The following RBFOX1 variants were observed in gnomAD, a reference collection of about 807,000 sequenced individuals.
RBFOX1 encodes the protein RNA binding protein fox-1 homolog 1.
In RBFOX1, 8 loss-of-function variants were observed where a neutral mutation model predicts 57.7. The ratio of observed to expected loss-of-function variants is 0.14; its 90% confidence interval spans 0.08 to 0.25. The LOEUF is 0.25. Among genes scored for constraint, RBFOX1 ranks in the 10% least tolerant of loss-of-function variants. The pLI, the probability that RBFOX1 is intolerant of heterozygous loss-of-function variation, is 1.00. For synonymous variants in RBFOX1, 326 were observed against 222.4 expected (o/e 1.47, Z -4.15); for missense variants, 611 against 548.5 (o/e 1.11, Z -1.14).
chr16:7,287,385 G>A (rs552666239), intron 4 of RBFOX1, among the ~76,000 whole-genome samples: 24 of 152,270 alleles, frequency 1.6e-4, no homozygotes, highest in Middle Eastern at 3.4e-3. Context: ...GCAGTGTGCA[G>A]GAACTATGCC....
chr16:6,178,837 G>A (rs745547051), intron 1 of RBFOX1, among the ~76,000 whole-genome samples: 11 of 152,174 alleles, frequency 7.2e-5, no homozygotes, highest in Non-Finnish European at 1.5e-4. Flanking sequence ...ACTTGCAAAT[G>A]AAGGTGAAGT....
intron 3 of RBFOX1, among the ~76,000 whole-genome samples, chr16:6,814,895 G>T (rs1473826252): frequency 6.6e-6 from 1 of 152,120 alleles, no homozygotes; most frequent in Admixed American, 6.5e-5. Flanking sequence ...AGAATTTGGG[G>T]CGAGTCCATA....
chr16:6,752,547 C>A (rs554281754), intron 3 of RBFOX1, among the ~76,000 whole-genome samples: 1 of 152,192 alleles, frequency 6.6e-6, no homozygotes, highest in African/African-American at 2.4e-5. Flanking sequence ...CAAGTTAGCG[C>A]ATTCCTAAAG....
intron 2 of RBFOX1, among the ~76,000 whole-genome samples, chr16:6,536,575 A>T (rs138358655): frequency 0.013 from 1,950 of 151,602 alleles, 42 homozygotes; most frequent in African/African-American, 0.044. Flanking sequence ...TTTCTTTCTA[A>T]TTTTCCTTCT....
intron 2 of RBFOX1, among the ~76,000 whole-genome samples, chr16:6,634,392 G>C (rs948686617): frequency 6.6e-6 from 1 of 151,824 alleles, no homozygotes; most frequent in Admixed American, 6.6e-5. Context: ...CCAAACCTCC[G>C]TGAGTATGTT....
At chr16:7,115,813 C>G (rs1039392324) in intron 4 of RBFOX1, among the ~76,000 whole-genome samples, 1 of 152,150 alleles carries the variant, frequency 6.6e-6, no homozygotes, top group African/African-American at 2.4e-5. Flanking sequence ...TACACATGAA[C>G]AGGGATCACT....
chr16:5,266,503 A>C (rs192943549), intron 1 of RBFOX1, among the ~76,000 whole-genome samples: 3 of 150,456 alleles, frequency 2.0e-5, no homozygotes, highest in African/African-American at 7.4e-5. Flanking sequence ...AGGGGCTGTA[A>C]TGTTCTGTTT....
rs866073891 is a variant in RBFOX1, at chr16:6,654,696, C to G, written c.-16+46C>G. On this transcript the variant is annotated intron_variant, in intron 3 of 15. Transcript: ENST00000550418. The stretch of plus-strand genomic sequence containing the variant: ...TTTAGGGTTGCAAACAAAACAAGAA[C>G]TCTGTGAATTGAACCCAGGTGTTTA... The G allele has an allele frequency of 3.6e-5, 52 of 1,428,146 alleles. No homozygotes were observed. In the Middle Eastern group the frequency reaches 7.0e-4, roughly 19 times the overall value. The allele number at this position is 1,428,146 out of a possible 1,614,324, so 88.5% of individuals were successfully genotyped here.
intron 1 of RBFOX1, among the ~76,000 whole-genome samples, chr16:5,282,588 C>G (rs566197378): frequency 4.0e-4 from 56 of 139,894 alleles, no homozygotes; most frequent in Non-Finnish European, 7.3e-4. Flanking sequence ...ACAAAGGTGA[C>G]TCCTATTATG....
intron 3 of RBFOX1, among the ~76,000 whole-genome samples, chr16:6,978,300 A>C (rs901257430): frequency 6.6e-6 from 1 of 152,216 alleles, no homozygotes; most frequent in South Asian, 2.1e-4. Flanking sequence ...TTGTGGTACT[A>C]TGCAAGAAAT....
chr16:6,691,553 C>G (rs930730597), intron 3 of RBFOX1, among the ~76,000 whole-genome samples: 6 of 152,092 alleles, frequency 3.9e-5, no homozygotes, highest in Non-Finnish European at 1.5e-5. Flanking sequence ...TCACATTACA[C>G]GCGTTATATG....
rs958617321 is a variant in RBFOX1, at chr16:5,416,083, C to A, written c.220-51133C>A. Among the ~76,000 whole-genome samples the A allele has an allele frequency of 3.9e-5, 6 of 152,312 alleles. No homozygotes were observed. In the East Asian group the frequency reaches 5.8e-4, roughly 15 times the overall value. On this transcript the variant is annotated intron_variant, in intron 1 of 2. Transcript: ENST00000585867. ...GAACGGGGCTGAAATTTAAGTCTTACACTGGGAAACGCCTGTACATCTCGT... is the reference window on the plus strand; with the variant it reads ...GAACGGGGCTGAAATTTAAGTCTTAAACTGGGAAACGCCTGTACATCTCGT...
chr16:5,993,340 CGTGTGTGTGTGTGTGTGTGTGT>C (rs58189800), intron 4 of RBFOX1, among the ~76,000 whole-genome samples: 33 of 132,948 alleles, frequency 2.5e-4, no homozygotes, highest in Admixed American at 1.6e-3. Flanking sequence ...TAATGCTGTA[CGTGTGTGTGTGTGTGTGTGTGT>C]GTGTGTGTGT....
At chr16:7,440,168 T>G (rs2149848206) in intron 4 of RBFOX1, among the ~76,000 whole-genome samples, 1 of 152,186 alleles carries the variant, frequency 6.6e-6, no homozygotes, top group South Asian at 2.1e-4. Context: ...ACTGCTAGGA[T>G]TACAGATGTG....
chr16:7,465,440 T>C (rs2060339677), intron 4 of RBFOX1, among the ~76,000 whole-genome samples: 1 of 152,234 alleles, frequency 6.6e-6, no homozygotes, highest in Non-Finnish European at 1.5e-5. Context: ...GTTTGTGGAA[T>C]GACTTGGGAG....
At chr16:6,162,597 A>G (rs2096887918) in intron 1 of RBFOX1, among the ~76,000 whole-genome samples, 1 of 152,210 alleles carries the variant, frequency 6.6e-6, no homozygotes, top group Non-Finnish European at 1.5e-5. Flanking sequence ...ACCCAACAAC[A>G]GTGGTAACAG....
rs116022511 is a variant in RBFOX1, at chr16:5,493,253, G to A, written c.258+25999G>A. On this transcript the variant is annotated intron_variant, in intron 2 of 2. Transcript: ENST00000585867. ...TTTTTGTTATTATTTCTTACATTTT[G>A]TAGAGATGGGATCTCACTATGTTAC... is the stretch of plus-strand genomic sequence containing the variant. Among the ~76,000 whole-genome samples the A allele has an allele frequency of 6.7e-3, 1,023 of 152,162 alleles. 12 individuals are homozygous for A. Among genetic ancestry groups the A allele is most frequent in the African/African-American group, 0.023 (958 of 41,488 alleles).
intron 2 of RBFOX1, among the ~76,000 whole-genome samples, chr16:6,394,908 G>A (rs1008348993): frequency 7.2e-5 from 11 of 152,110 alleles, no homozygotes; most frequent in East Asian, 1.9e-4. Flanking sequence ...ACTATTAAGC[G>A]TGTTACTGTT....
intron 2 of RBFOX1, among the ~76,000 whole-genome samples, chr16:5,548,854 G>A (rs1251745270): frequency 6.6e-6 from 1 of 152,130 alleles, no homozygotes; most frequent in Non-Finnish European, 1.5e-5. Context: ...AGTGAGAGAA[G>A]GCTGGGGCCA....
Sources: gnomAD v4.1 joint callset for allele counts (sites outside exome capture counted in the v4.1 genomes callset) on GRCh38, gnomAD v4.1.1 for gene constraint, MANE v1.5 for transcripts, NCBI Gene and HGNC (gene_info 2026-07-23, HGNC 2026-07-21) for gene names.